The following BABAM2 variants were observed in gnomAD, a reference collection of about 807,000 sequenced individuals.
BABAM2 encodes BRISC and BRCA1 A complex member 2.
A neutral mutation model predicts 54.7 loss-of-function variants in BABAM2; 31 were observed. The ratio of observed to expected loss-of-function variants is 0.57; its 90% CI spans 0.43 to 0.77. The LOEUF is 0.77. Ranked by LOEUF, BABAM2 falls within the 30% of genes least tolerant of loss-of-function variation. The pLI, the probability that BABAM2 is intolerant of heterozygous loss-of-function variation, is 0.00. For synonymous variants in BABAM2, 167 were observed against 162.9 expected (o/e 1.03, Z -0.19); for missense variants, 364 against 455.8 (o/e 0.80, Z 1.83).
At chr2:28,221,770 G>A (rs1019664148) in intron 7 of BABAM2, among the ~76,000 whole-genome samples, 11 of 152,238 alleles carry the variant, frequency 7.2e-5, no homozygotes, top group African/African-American at 1.9e-4. Context: ...TCAGTCCTTC[G>A]CCTGCCTAGG....
At chr2:28,166,069 G>A (rs1008599725) in intron 7 of BABAM2, among the ~76,000 whole-genome samples, 1 of 152,126 alleles carries the variant, frequency 6.6e-6, no homozygotes, top group Non-Finnish European at 1.5e-5. Context: ...GAGGGAAGAC[G>A]CAGGGAGAAG....
At chr2:28,195,647 A>T (rs865871619) in intron 7 of BABAM2, among the ~76,000 whole-genome samples, 1 of 152,210 alleles carries the variant, frequency 6.6e-6, no homozygotes, top group East Asian at 1.9e-4. Context: ...GTCTATTTTT[A>T]TCGTAGATAC....
intron 10 of BABAM2, among the ~76,000 whole-genome samples, chr2:28,248,207 C>CTTTTTCTTTTTTCT (rs1553349503): frequency 5.5e-5 from 3 of 54,306 alleles, no homozygotes; most frequent in Non-Finnish European, 1.1e-4. Flanking sequence ...TTTTCTTTTT[C>CTTTTTCTTTTTTCT]TTTTTTTTTT....
chr2:28,288,962 GT>G (rs763643477), intron 10 of BABAM2, among the ~76,000 whole-genome samples: 57 of 132,566 alleles, frequency 4.3e-4, no homozygotes, highest in East Asian at 4.4e-4. Context: ...GTGGGTTGTT[GT>G]TTTTTTTTTT....
chr2:27,951,740 G>C (rs1484651619), intron 3 of BABAM2, among the ~76,000 whole-genome samples: 1 of 152,098 alleles, frequency 6.6e-6, no homozygotes, highest in Non-Finnish European at 1.5e-5. Context: ...TGGGGAACAG[G>C]TGATGTTTGT....
At chr2:27,970,394 T>A (rs1276159112) in intron 3 of BABAM2, among the ~76,000 whole-genome samples, 1 of 152,228 alleles carries the variant, frequency 6.6e-6, no homozygotes, top group Non-Finnish European at 1.5e-5. Context: ...GTCAACCCTT[T>A]ATTTAATCTA....
intron 6 of BABAM2, among the ~76,000 whole-genome samples, chr2:28,122,904 A>G (rs892532816): frequency 2.0e-5 from 3 of 152,198 alleles, no homozygotes; most frequent in Admixed American, 2.0e-4. Context: ...CCTTGGCGAT[A>G]CATAGTTCAG....
chr2:28,324,124 A>G (rs1690251600), intron 11 of BABAM2, among the ~76,000 whole-genome samples: 1 of 152,180 alleles, frequency 6.6e-6, no homozygotes, highest in African/African-American at 2.4e-5. Context: ...TGTAGGTGCA[A>G]TGGGGGTTGG....
intron 6 of BABAM2, among the ~76,000 whole-genome samples, chr2:28,102,740 G>A (rs371965479): frequency 2.6e-5 from 4 of 152,128 alleles, no homozygotes; most frequent in Admixed American, 6.5e-5. Context: ...TACAATGTGC[G>A]AACAGACAAA....
chr2:28,270,649 T>A (rs7584815), intron 10 of BABAM2, among the ~76,000 whole-genome samples: 18,599 of 152,224 alleles, frequency 0.12, 1,315 homozygotes, highest in African/African-American at 0.18. Flanking sequence ...CCAGATGGCA[T>A]GACTATTCCT....
intron 7 of BABAM2, among the ~76,000 whole-genome samples, chr2:28,170,917 C>A (rs1674243545): frequency 6.6e-6 from 1 of 152,102 alleles, no homozygotes; most frequent in Admixed American, 6.5e-5. Flanking sequence ...AAGTAAAGAA[C>A]ACGGTATAAA....
At chr2:28,195,592 G>T (rs1415514407) in intron 7 of BABAM2, among the ~76,000 whole-genome samples, 1 of 152,116 alleles carries the variant, frequency 6.6e-6, no homozygotes, top group African/African-American at 2.4e-5. Context: ...AGAGGGCCAG[G>T]GTCTTCAGGT....
At chr2:28,163,276 G>A (rs1353611889) in intron 7 of BABAM2, among the ~76,000 whole-genome samples, 2 of 152,080 alleles carry the variant, frequency 1.3e-5, no homozygotes, top group East Asian at 3.9e-4. Flanking sequence ...TCAGCAGGTG[G>A]GCCAGGATCA....
chr2:28,017,001 G>T (rs1674876116), intron 4 of BABAM2, among the ~76,000 whole-genome samples: 1 of 152,170 alleles, frequency 6.6e-6, no homozygotes. Flanking sequence ...GAGTAGACTT[G>T]CTCTGAATAG....
intron 7 of BABAM2, among the ~76,000 whole-genome samples, chr2:28,144,371 A>T (rs1182481207): frequency 6.6e-6 from 1 of 152,150 alleles, no homozygotes; most frequent in Non-Finnish European, 1.5e-5. Context: ...TAAACTAGTG[A>T]GGAAAATGTA....
intron 7 of BABAM2, among the ~76,000 whole-genome samples, chr2:28,143,738 C>T (rs1233534648): frequency 6.6e-6 from 1 of 152,178 alleles, no homozygotes; most frequent in Non-Finnish European, 1.5e-5. Context: ...CCAATGAACA[C>T]TCATGCCACA....
chr2:27,972,190 C>G (rs1671269586), intron 3 of BABAM2, among the ~76,000 whole-genome samples: 1 of 152,128 alleles, frequency 6.6e-6, no homozygotes. Context: ...TTATTAACCA[C>G]TGAAAGAACT....
At chr2:28,199,941 T>C (rs1391838880) in intron 7 of BABAM2, among the ~76,000 whole-genome samples, 1 of 152,180 alleles carries the variant, frequency 6.6e-6, no homozygotes, top group African/African-American at 2.4e-5. Flanking sequence ...AAAATAAATA[T>C]TAGGAAACCC....
intron 7 of BABAM2, among the ~76,000 whole-genome samples, chr2:28,160,000 GAGAA>G (rs777359612): frequency 2.0e-5 from 3 of 152,080 alleles, no homozygotes; most frequent in Non-Finnish European, 4.4e-5. Context: ...TTTGTTTGAA[GAGAA>G]AGAGTCTAAT....
Sources: allele counts gnomAD v4.1 joint callset (sites outside exome capture counted in the v4.1 genomes callset), GRCh38; gene constraint gnomAD v4.1.1; transcripts MANE v1.5; gene names NCBI Gene and HGNC (gene_info 2026-07-23, HGNC 2026-07-21).